Variants in ARID3C observed in about 807,000 individuals in gnomAD.
The protein encoded by ARID3C is AT-rich interaction domain 3C.
ARID3C carries 42 observed loss-of-function variants against 37.9 expected under a neutral mutation model. That is an observed-to-expected ratio of 1.11 (90% CI 0.87 to 1.43). The LOEUF (loss-of-function observed/expected upper bound fraction) is 1.43, where lower values mean the gene tolerates loss of function less well. Among genes scored for constraint, ARID3C ranks in the 40% most tolerant of loss-of-function variants. The probability of loss-of-function intolerance (pLI) is 0.00; values close to 1 mark genes in which losing one functional copy is unlikely to be tolerated. For synonymous variants in ARID3C, 213 were observed against 228.0 expected (o/e 0.93, Z 0.59); for missense variants, 581 against 548.8 (o/e 1.06, Z -0.59).
chr9:34,623,794 G>C, intron 3 of ARID3C, 70 bp downstream of exon 4: 1 of 1,505,440 alleles, frequency 6.6e-7, no homozygotes, highest in Admixed American at 2.0e-5. Flanking sequence ...GCCCGCCCGG[G>C]GACCCTCCCC....
intron 3 of ARID3C, 69 bp downstream of exon 4, chr9:34,623,795 G>GGCCCGGC: frequency 5.3e-6 from 8 of 1,504,646 alleles, no homozygotes; most frequent in African/African-American, 1.4e-5. Flanking sequence ...CCCGCCCGGG[G>GGCCCGGC]ACCCTCCCCC....
chr9:34,627,875 T>C, exon 1 of ARID3C: 1 of 1,577,492 alleles, frequency 6.3e-7, no homozygotes, highest in Non-Finnish European at 8.6e-7. Flanking sequence ...AGCCCCAACA[T>C]TCCCCAAGGC....
chr9:34,629,210 G>T (rs1415730100), upstream of ARID3C, among the ~76,000 whole-genome samples: 2 of 152,194 alleles, frequency 1.3e-5, no homozygotes, highest in Admixed American at 6.5e-5. Flanking sequence ...GGCAGGGGGC[G>T]CTGGAAAGCT....
chr9:34,624,492 C>T (rs1000867464), intron 2 of ARID3C, among the ~76,000 whole-genome samples: 1 of 152,186 alleles, frequency 6.6e-6, no homozygotes, highest in Non-Finnish European at 1.5e-5. Flanking sequence ...GTTTGCTGTC[C>T]CCTGGGGTAG....
Position 34,623,434 on chromosome 9 carries a change from T to C in ARID3C, c.856A>G (p.Ile286Val), listed in dbSNP as rs781557631. 4.0e-6 allele frequency: 6 copies of C among 1,499,364 alleles called. No individual in the cohort carries two copies. In the South Asian group the frequency reaches 5.5e-5, roughly 14 times the overall value. The allele number at this position is 1,499,364 out of a possible 1,614,324, so 92.9% of individuals were successfully genotyped here. Residue 286 changes from isoleucine (I) to valine (V), a missense_variant, in exon 4 of 7, where the codon ATT becomes GTT. Transcript: ENST00000378909. ...CATTCTCCCCTCGCACCTTTCTTAA[T>C]AGGGCTTGGACTCAGCTGAGCGCAT...
downstream of ARID3C, chr9:34,621,331 A>G (rs1455464669): frequency 3.2e-6 from 2 of 620,096 alleles, no homozygotes; most frequent in East Asian, 3.5e-5. Context: ...TTAAGTCCAC[A>G]TGGCATGGGA....
chr9:34,623,699 C>T lies in ARID3C; in HGVS notation c.591G>A (p.Leu197=), dbSNP rs755360459. Residue 197 remains leucine, a synonymous_variant, in exon 4 of 7, where the codon CTG becomes CTA. Coordinates refer to ENST00000378909, the Ensembl canonical transcript of ARID3C. ...CTCGAGTCTCGCACTCGTACGGGTA[C>T]AGGTACTTCATGTACCTAGGGGCGG... 34 of 1,555,162 alleles carry T rather than the reference C, an allele frequency of 2.2e-5. No homozygotes were observed. In the Admixed American group the frequency reaches 2.4e-4, roughly 11 times the overall value.
chr9:34,627,060 G>A (rs1041317305), intron 1 of ARID3C, among the ~76,000 whole-genome samples: 1 of 152,200 alleles, frequency 6.6e-6, no homozygotes, highest in African/African-American at 2.4e-5. Context: ...TTGCGGAGGA[G>A]CCCTTTAGTC....
upstream of ARID3C, among the ~76,000 whole-genome samples, chr9:34,632,705 T>A (rs931130207): frequency 1.3e-5 from 2 of 152,174 alleles, no homozygotes; most frequent in Non-Finnish European, 2.9e-5. Flanking sequence ...GAGAAACAGA[T>A]GTGTCCAAAA....
upstream of ARID3C, among the ~76,000 whole-genome samples, chr9:34,629,021 C>T (rs1021369032): frequency 6.6e-6 from 1 of 151,936 alleles, no homozygotes; most frequent in African/African-American, 2.4e-5. Flanking sequence ...GGTGCGCTCC[C>T]GCCGCCCTGT....
Position 34,625,728 on chromosome 9 carries a change from A to C in ARID3C, c.391+14T>G. ...GGCAATTCCAGGGCCCTTCCCCCAC[A>C]TCATGCCACTCACCCCTCTTTTGCA... On this transcript the variant is annotated intron_variant, in intron 2 of 6. Coordinates refer to ENST00000378909, the Ensembl canonical transcript of ARID3C. 1.2e-6 allele frequency: 2 copies of C among 1,613,586 alleles called. No homozygotes were observed. The highest frequency in any genetic ancestry group is 1.7e-6 in the Non-Finnish European group (2 of 1,179,732).
At chr9:34,622,486 G>C (rs1352256906) in exon 5 of ARID3C, 1 of 1,612,766 alleles carries the variant, frequency 6.2e-7, no homozygotes, top group Non-Finnish European at 8.5e-7. Flanking sequence ...CCAGTGCCAG[G>C]CCCACAGGCA....
intron 4 of ARID3C, 84 bp downstream of exon 5, chr9:34,623,341 A>G (rs10972173): frequency 0.36 from 500,810 of 1,410,596 alleles, 91,540 homozygotes; most frequent in African/African-American, 0.48. Flanking sequence ...CCAGACCTCA[A>G]TCCTCACATT....
Position 34,628,000 on chromosome 9 carries a change from CTG to C in ARID3C, c.13_14del (p.Gln5GlufsTer29). On this transcript the variant is annotated frameshift_variant, in exon 1 of 7. Coordinates refer to ENST00000378909, the Ensembl canonical transcript of ARID3C. LOFTEE classifies it high-confidence loss of function. ...GGGCCAGCCGAGCTGCCTGCTGCTT[CTG>C]CAGGGCCTCCATGACAGCTTCCAGG... is the stretch of plus-strand genomic sequence containing the variant. 6.7e-7 allele frequency: 1 copy of C among 1,502,880 alleles called. No individual in the cohort carries two copies. The highest frequency in any genetic ancestry group is 8.9e-7 in the Non-Finnish European group (1 of 1,123,180). 93.1% of individuals were successfully genotyped at this position (1,502,880 alleles called of 1,614,324 possible).
At chr9:34,624,024 T>C in exon 3 of ARID3C, 6 of 1,596,904 alleles carry the variant, frequency 3.8e-6, no homozygotes, top group Non-Finnish European at 5.1e-6. Context: ...TTCGCCATGA[T>C]GGGCACGCGG....
chr9:34,627,980 A>G, exon 1 of ARID3C: 2 of 1,521,596 alleles, frequency 1.3e-6, no homozygotes, highest in African/African-American at 1.4e-5. Context: ...CCCCTGGGCC[A>G]GCCGAGCTGC....
At chr9:34,626,109 T>C (rs10122190) in intron 1 of ARID3C, among the ~76,000 whole-genome samples, 4,940 of 152,294 alleles carry the variant, frequency 0.032, 288 homozygotes, top group African/African-American at 0.11. Flanking sequence ...GCCTGCCCTC[T>C]GGGGCTCAGT....
intron 2 of ARID3C, 135 bp downstream of exon 3, chr9:34,625,607 G>A: frequency 1.2e-6 from 1 of 834,942 alleles, no homozygotes; most frequent in Non-Finnish European, 1.9e-6. Flanking sequence ...CAGGGTCAGA[G>A]GTTAAAGACG....
intron 3 of ARID3C, 69 bp downstream of exon 4, chr9:34,623,795 G>GGCCC: frequency 2.0e-6 from 3 of 1,504,684 alleles, no homozygotes; most frequent in Non-Finnish European, 2.7e-6. Context: ...CCCGCCCGGG[G>GGCCC]ACCCTCCCCC....
Sources: allele counts gnomAD v4.1 joint callset (sites outside exome capture counted in the v4.1 genomes callset), GRCh38; gene constraint gnomAD v4.1.1; transcripts MANE v1.5; gene names NCBI Gene and HGNC (gene_info 2026-07-23, HGNC 2026-07-21).